Variants in JAG1 observed in about 807,000 individuals in gnomAD.
The protein encoded by JAG1 is jagged canonical Notch ligand 1, also known as protein jagged-1.
Under a neutral mutation model 148.7 loss-of-function variants are expected in JAG1, and 23 were observed. That is an observed-to-expected ratio of 0.15 (90% CI 0.11 to 0.22). JAG1 has a LOEUF of 0.22. JAG1 is among the 10% of genes least tolerant of loss of function. The probability of loss-of-function intolerance (pLI) is 1.00; values close to 1 mark genes in which losing one functional copy is unlikely to be tolerated. For missense variants in JAG1, 1,054 were observed against 1,611.2 expected (o/e 0.65, Z 5.92); for synonymous variants, 572 against 598.3 (o/e 0.96, Z 0.64).
chr20:10,660,819 T>C (rs1174429485), intron 3 of JAG1, among the ~76,000 whole-genome samples: 1 of 152,150 alleles, frequency 6.6e-6, no homozygotes, highest in Non-Finnish European at 1.5e-5. Context: ...TCCAGCCTTG[T>C]GACTGGAAAA....
intron 13 of JAG1, 25 bp downstream of exon 13, chr20:10,647,935 C>T: frequency 6.2e-7 from 1 of 1,613,316 alleles, no homozygotes; most frequent in Middle Eastern, 1.8e-4. Context: ...CTGGAGACAG[C>T]CAGGTCCCGG....
intron 8 of JAG1, 87 bp from the exon 9 acceptor site, chr20:10,650,447 G>T: frequency 1.3e-6 from 1 of 786,524 alleles, no homozygotes; most frequent in Non-Finnish European, 2.2e-6. Flanking sequence ...TACATGAGGG[G>T]CTGTCATTGA....
At chr20:10,647,361 A>G in intron 13 of JAG1, 1 of 544,948 alleles carries the variant, frequency 1.8e-6, no homozygotes, top group East Asian at 3.3e-5. Flanking sequence ...GATCCCCTTC[A>G]TCCTACCTTT....
chr20:10,647,353 T>TC, intron 13 of JAG1: 1 of 554,472 alleles, frequency 1.8e-6, no homozygotes, highest in South Asian at 2.0e-5. Context: ...TGCTTGTGGA[T>TC]CCCCTTCATC....
At chr20:10,657,894 T>C (rs190849424) in intron 4 of JAG1, among the ~76,000 whole-genome samples, 11 of 152,330 alleles carry the variant, frequency 7.2e-5, no homozygotes, top group African/African-American at 2.4e-4. Flanking sequence ...TCCTATAGGA[T>C]AGCCTGTTCA....
In JAG1 at chr20:10,646,023, G is replaced by A. The variant is rs754992758; in HGVS notation, c.1947C>T (p.Asn649=). 6.2e-7 allele frequency: 1 copy of A among 1,614,078 alleles called. No homozygotes were observed. The highest frequency in any genetic ancestry group is 1.1e-5 in the South Asian group (1 of 91,076). ...CGTCACTACAGATGCACTTGTAGGA[G>A]TTGACACCATCGATGCAAGTGCCAC... ...RNGGTCIDGV[N]SYKCICSDGW... The change falls in exon 15 of 26, where the codon AAC becomes AAT. Residue 649 remains asparagine, a synonymous_variant. Coordinates refer to ENST00000254958, the MANE Select transcript of JAG1 (RefSeq NM_000214.3).
At chr20:10,640,736 G>A (rs756819916) in intron 25 of JAG1, 47 bp downstream of exon 25, 1 of 1,577,258 alleles carries the variant, frequency 6.3e-7, no homozygotes, top group Non-Finnish European at 8.7e-7. Flanking sequence ...ATAGTATAAT[G>A]AGATCATCTA....
At chr20:10,660,054 G>C (rs1413867898) in intron 3 of JAG1, among the ~76,000 whole-genome samples, 5 of 152,182 alleles carry the variant, frequency 3.3e-5, no homozygotes, top group African/African-American at 4.8e-5. Flanking sequence ...AGACAGTTAG[G>C]ACTGACTTGC....
At chr20:10,649,029 CAA>C in intron 11 of JAG1, 30 bp downstream of exon 11, 4 of 1,562,666 alleles carry the variant, frequency 2.6e-6, no homozygotes, top group Non-Finnish European at 3.5e-6. Context: ...TGTCAATTGT[CAA>C]AGTTTTGATT....
chr20:10,649,104 A>C lies in JAG1; in HGVS notation c.1352T>G (p.Ile451Ser). 6.2e-7 allele frequency: 1 copy of C among 1,601,292 alleles called. No homozygotes were observed. Among genetic ancestry groups the C allele is most frequent in the Non-Finnish European group, 8.6e-7 (1 of 1,168,380 alleles). The change falls in exon 11 of 26, where the codon ATT becomes AGT. Residue 451 changes from isoleucine to serine, a missense_variant. Physicochemically the swap from Ile to Ser is moderately radical, Grantham distance 142. Coordinates refer to ENST00000254958, the MANE Select transcript of JAG1 (RefSeq NM_000214.3). ...CTGACACTGGCCAAGGCAGTCATTA[A>C]TATCTAAAAAATAAATAAGTCATCA... ...GWMGQNCDININDCLGQCQND... is the reference protein window; with the variant it reads ...GWMGQNCDINSNDCLGQCQND...
Position 10,649,099 on chromosome 20 carries a change from C to T in JAG1, c.1357G>A (p.Asp453Asn). The T allele has an allele frequency of 6.2e-7, 1 of 1,604,190 alleles. No individual in the cohort carries two copies. Among genetic ancestry groups the T allele is most frequent in the Non-Finnish European group, 8.5e-7 (1 of 1,171,168 alleles). Residue 453 changes from aspartate (D) to asparagine (N), a missense_variant, in exon 11 of 26, where the codon GAC (aspartate) becomes AAC (asparagine). Physicochemically the swap from Asp to Asn is conservative, Grantham distance 23. Transcript: ENST00000254958. Reference protein sequence around the residue: ...MGQNCDININDCLGQCQNDAS... With the variant: ...MGQNCDININNCLGQCQNDAS... ...TCATTCTGACACTGGCCAAGGCAGT[C>T]ATTAATATCTAAAAAATAAATAAGT...
Position 10,644,904 on chromosome 20 carries a change from C to G in JAG1, c.2303G>C (p.Cys768Ser). 6.2e-7 allele frequency: 1 copy of G among 1,614,134 alleles called. No homozygotes were observed. Among genetic ancestry groups the G allele is most frequent in the Non-Finnish European group, 8.5e-7 (1 of 1,179,998 alleles). The change falls in exon 18 of 26, where the codon TGC (cysteine) becomes TCC (serine). Residue 768 changes from cysteine to serine, a missense_variant. This residue lies in a region of JAG1 where 342 missense variants were observed against 514.6 expected (regional missense o/e 0.66). Coordinates refer to ENST00000254958, the MANE Select transcript of JAG1 (RefSeq NM_000214.3). ...TCVVNGESFT[C>S]VCKEGWEGPI... ...CCCCTCCCAGCCTTCCTTGCAGACGCACGTAAAGGACTCGCCGTTGACCAC... is the reference window on the plus strand; with the variant it reads ...CCCCTCCCAGCCTTCCTTGCAGACGGACGTAAAGGACTCGCCGTTGACCAC...
intron 3 of JAG1, among the ~76,000 whole-genome samples, chr20:10,663,438 G>A (rs568010249): frequency 1.3e-5 from 2 of 152,324 alleles, no homozygotes; most frequent in Admixed American, 1.3e-4. Context: ...GGACAAGGCA[G>A]GTAATGGCTG....
chr20:10,668,948 A>G (rs900904628), intron 2 of JAG1, among the ~76,000 whole-genome samples: 4 of 151,960 alleles, frequency 2.6e-5, no homozygotes, highest in African/African-American at 9.7e-5. Context: ...GCAAATTCCT[A>G]TAAGTACTGG....
In JAG1 at chr20:10,639,230, C is replaced by T; in HGVS notation, c.*268G>A. ...AAAGACCAGGGGGCTGGGCAGGCTC[C>T]TGGGAGCCTGATCCGAGACCGTGTC... On this transcript the variant is annotated 3_prime_UTR_variant, in exon 26 of 26. Transcript: ENST00000254958. 2 of 502,254 alleles carry T rather than the reference C, an allele frequency of 4.0e-6. No homozygotes were observed. The highest frequency in any genetic ancestry group is 3.9e-5 in the East Asian group (1 of 25,544). The allele number at this position is 502,254 out of a possible 1,614,324, so 31.1% of individuals were successfully genotyped here. A position where few individuals can be genotyped will look rare whatever the true frequency, so the allele number is the denominator to read the frequency against.
intron 3 of JAG1, among the ~76,000 whole-genome samples, chr20:10,661,277 A>C (rs945020364): frequency 6.6e-6 from 1 of 152,128 alleles, no homozygotes; most frequent in Non-Finnish European, 1.5e-5. Flanking sequence ...CCTAAAACTC[A>C]GGGCTCTGCC....
intron 21 of JAG1, among the ~76,000 whole-genome samples, chr20:10,642,109 G>A (rs1045717785): frequency 6.6e-6 from 1 of 152,184 alleles, no homozygotes; most frequent in East Asian, 1.9e-4. Context: ...TGTGATGTGA[G>A]CAGAGCCTTT....
At chr20:10,641,273 G>T (rs749716879) in intron 23 of JAG1, 29 bp from the exon 24 acceptor site, 2 of 1,611,772 alleles carry the variant, frequency 1.2e-6, no homozygotes, top group East Asian at 4.5e-5. Flanking sequence ...ACCCACACAC[G>T]TGTAAGATTG....
At chr20:10,658,860 T>G (rs2067395700) in intron 3 of JAG1, 138 bp from the exon 4 acceptor site, 2 of 902,034 alleles carry the variant, frequency 2.2e-6, no homozygotes, top group Non-Finnish European at 3.5e-6. Context: ...AATGAAAAGT[T>G]TATGCCCCTA....
Sources: gnomAD v4.1 joint callset for allele counts (sites outside exome capture counted in the v4.1 genomes callset) on GRCh38, gnomAD v4.1.1 for gene constraint, gnomAD v4.1.1 regional missense constraint, MANE v1.5 for transcripts, NCBI Gene and HGNC (gene_info 2026-07-23, HGNC 2026-07-21) for gene names.